The following HTT variants were observed in gnomAD, a reference collection of about 807,000 sequenced individuals.
HTT encodes huntingtin.
A neutral mutation model predicts 362.3 loss-of-function variants in HTT; 104 were observed. The observed-to-expected ratio is 0.29, with a 90% CI of 0.24 to 0.34. The LOEUF (loss-of-function observed/expected upper bound fraction) is 0.34. HTT is among the 10% of genes least tolerant of loss of function. The probability of loss-of-function intolerance (pLI) is 1.00; values close to 1 mark genes in which losing one functional copy is unlikely to be tolerated. For missense variants in HTT, 3,301 were observed against 3,928.6 expected, an observed-to-expected ratio of 0.84 and a Z score of 4.27; for synonymous variants, 1,577 against 1,548.7, an observed-to-expected ratio of 1.02 and a Z score of -0.43.
chr4:3,122,285 T>C (rs955165725), intron 9 of HTT, among the ~76,000 whole-genome samples: 1 of 152,150 alleles, frequency 6.6e-6, no homozygotes, highest in Non-Finnish European at 1.5e-5. Context: ...TACCACTGGG[T>C]CTGGTGCCTA....
At chr4:3,138,538 T>G (rs529622776) in intron 21 of HTT, among the ~76,000 whole-genome samples, 3 of 152,362 alleles carry the variant, frequency 2.0e-5, no homozygotes, top group African/African-American at 7.2e-5. Flanking sequence ...TGCCTGATTC[T>G]TCTCACCAGT....
rs748870495 is a variant in HTT at position 3,217,899 on chromosome 4, A to G, written c.7189A>G (p.Ile2397Val). 3 of 1,614,040 alleles carry G rather than the reference A, an allele frequency of 1.9e-6. No homozygotes were observed. Among genetic ancestry groups the G allele is most frequent in the South Asian group, 2.2e-5 (2 of 91,068 alleles). Reference sequence around the variant, plus strand: ...CACGCCATTGCTAAGGAACATCATCATCAGCCTGGCCCGCCTGCCCCTTGT... The same window carrying G: ...CACGCCATTGCTAAGGAACATCATCGTCAGCCTGGCCCGCCTGCCCCTTGT... ...FLTPLLRNII[I>V]SLARLPLVNS... The change falls in exon 52 of 67, where the codon ATC becomes GTC. Residue 2397 changes from isoleucine to valine, a missense_variant. Coordinates refer to ENST00000355072, the MANE Select transcript of HTT (RefSeq NM_001388492.1).
At chr4:3,217,486 G>A (rs1188067567) in intron 51 of HTT, among the ~76,000 whole-genome samples, 2 of 152,248 alleles carry the variant, frequency 1.3e-5, no homozygotes, top group East Asian at 3.8e-4. Flanking sequence ...AGCTGTCACA[G>A]GCTGCTGCTG....
At chr4:3,194,322 A>C (rs746522330) in intron 40 of HTT, among the ~76,000 whole-genome samples, 1 of 152,156 alleles carries the variant, frequency 6.6e-6, no homozygotes, top group Non-Finnish European at 1.5e-5. Context: ...CCTATTTCAC[A>C]TTCCATCTAG....
intron 7 of HTT, 21 bp from the exon 8 acceptor site, chr4:3,116,064 G>A: frequency 1.9e-6 from 3 of 1,594,892 alleles, no homozygotes; most frequent in Non-Finnish European, 8.6e-7. Context: ...ATGTTAAGAT[G>A]TCTTGCTTCC....
chr4:3,159,275 A>G (rs1321332159), intron 28 of HTT, among the ~76,000 whole-genome samples: 1 of 151,974 alleles, frequency 6.6e-6, no homozygotes, highest in Non-Finnish European at 1.5e-5. Context: ...CTTAATTCTC[A>G]TCTCATGACC....
intron 53 of HTT, among the ~76,000 whole-genome samples, chr4:3,222,094 C>T (rs900718129): frequency 4.6e-5 from 7 of 152,242 alleles, no homozygotes; most frequent in African/African-American, 1.7e-4. Flanking sequence ...CTGCCCTGTC[C>T]CTGTGTCTGC....
chr4:3,084,289 C>T (rs1713083168), intron 1 of HTT, among the ~76,000 whole-genome samples: 1 of 146,264 alleles, frequency 6.8e-6, no homozygotes, highest in Admixed American at 7.2e-5. Context: ...ACTGCAACCT[C>T]TGCCTCCTGG....
rs778690669 is a variant in HTT at position 3,206,975 on chromosome 4, A to G, written c.6067A>G (p.Asn2023Asp). Reference protein sequence around the residue: ...CRRVEMLLAANLQSSMAQLPM... With the variant: ...CRRVEMLLAADLQSSMAQLPM... ...CCGGGTAGAAATGCTTCTGGCTGCAAATTTACAGGTATTGGGAAGAGAAAC... is the reference window on the plus strand; with the variant it reads ...CCGGGTAGAAATGCTTCTGGCTGCAGATTTACAGGTATTGGGAAGAGAAAC... Residue 2023 changes from asparagine (N) to aspartate (D), a missense_variant, in exon 44 of 67, where the codon AAT becomes GAT. Transcript: ENST00000355072. The surrounding 1 kb of genome is among the most constrained non-coding windows in gnomAD (Gnocchi z 4.6). The G allele has an allele frequency of 6.2e-7, 1 of 1,608,504 alleles. No individual in the cohort carries two copies.
chr4:3,209,693 C>T (rs565515129), intron 46 of HTT, 134 bp from the exon 47 acceptor site: 46 of 1,070,520 alleles, frequency 4.3e-5, no homozygotes, highest in Non-Finnish European at 6.0e-5. Context: ...CGTATAGCCA[C>T]AGCCTGCCGG....
chr4:3,144,184 T>C (rs1716488004), intron 23 of HTT, among the ~76,000 whole-genome samples: 1 of 152,192 alleles, frequency 6.6e-6, no homozygotes, highest in Non-Finnish European at 1.5e-5. Context: ...AATTTTGGGA[T>C]TGTGGATGAT....
intron 60 of HTT, among the ~76,000 whole-genome samples, chr4:3,230,728 T>A (rs1721211162): frequency 6.6e-6 from 1 of 152,284 alleles, no homozygotes; most frequent in East Asian, 1.9e-4. Flanking sequence ...ATCTTCTGGC[T>A]GGGTCCTCAC....
intron 5 of HTT, among the ~76,000 whole-genome samples, 156 bp from the exon 6 acceptor site, chr4:3,107,129 C>T (rs547075472): frequency 2.8e-4 from 43 of 152,236 alleles, no homozygotes; most frequent in Non-Finnish European, 5.3e-4. Context: ...TGAGCTTCAT[C>T]CACATTTCAT....
In HTT at chr4:3,217,866, G is replaced by T. The variant is rs761971184; in HGVS notation, c.7156G>T (p.Ala2386Ser). ...TCATAAAAGGAATAGCGGCGTGCCG[G>T]CGTTTCTCACGCCATTGCTAAGGAA... ...LGHKRNSGVP[A>S]FLTPLLRNII... The change falls in exon 52 of 67, where the codon GCG becomes TCG. Residue 2386 changes from alanine to serine, a missense_variant. By Grantham distance (99) the Ala-to-Ser change is moderately conservative. Transcript: ENST00000355072. The T allele has an allele frequency of 5.0e-6, 8 of 1,614,052 alleles. No individual in the cohort carries two copies. Among genetic ancestry groups the T allele is most frequent in the Non-Finnish European group, 6.8e-6 (8 of 1,180,010 alleles).
chr4:3,133,036 C>G (rs761923970), intron 18 of HTT, 125 bp downstream of exon 18: 6 of 723,800 alleles, frequency 8.3e-6, no homozygotes, highest in African/African-American at 1.8e-5. Context: ...GTAATACCCA[C>G]CATGTATCCA....
intron 56 of HTT, among the ~76,000 whole-genome samples, chr4:3,225,108 T>A (rs1364835893): frequency 7.3e-6 from 1 of 136,264 alleles, no homozygotes; most frequent in Non-Finnish European, 1.6e-5. Flanking sequence ...GCCCGGGAAT[T>A]GGGGGGATGC....
At chr4:3,105,608 G>A (rs1306989987) in intron 5 of HTT, among the ~76,000 whole-genome samples, 172 bp downstream of exon 5, 3 of 152,124 alleles carry the variant, frequency 2.0e-5, no homozygotes, top group African/African-American at 7.2e-5. Context: ...AAATTGTCAC[G>A]TACAGTCTAT....
intron 6 of HTT, among the ~76,000 whole-genome samples, chr4:3,109,661 C>T (rs1189760100): frequency 6.6e-6 from 1 of 151,830 alleles, no homozygotes; most frequent in Non-Finnish European, 1.5e-5. Flanking sequence ...TGGTTGCTTA[C>T]GTATTATATT....
At chr4:3,094,066 G>A (rs560129607) in intron 2 of HTT, among the ~76,000 whole-genome samples, 41 of 151,998 alleles carry the variant, frequency 2.7e-4, no homozygotes, top group African/African-American at 9.2e-4. Flanking sequence ...GCCCTGCCAC[G>A]TTCTGCAGTG....
Sources: allele counts gnomAD v4.1 joint callset (sites outside exome capture counted in the v4.1 genomes callset), GRCh38; gene constraint gnomAD v4.1.1; non-coding constraint Gnocchi (gnomAD v3.1); transcripts MANE v1.5; gene names NCBI Gene and HGNC (gene_info 2026-07-23, HGNC 2026-07-21).